Variants in CNTNAP5 observed in about 807,000 individuals in gnomAD.
CNTNAP5 encodes contactin associated protein family member 5, also known as contactin-associated protein-like 5.
In CNTNAP5, 72 loss-of-function variants were observed where a neutral mutation model predicts 150.2. That is an observed-to-expected ratio of 0.48 (90% confidence interval 0.40 to 0.58). The LOEUF (loss-of-function observed/expected upper bound fraction) is 0.58, where lower values mean the gene tolerates loss of function less well. Ranked by LOEUF, CNTNAP5 falls within the 20% of genes least tolerant of loss-of-function variation. CNTNAP5 has a pLI of 0.00. For synonymous variants in CNTNAP5, 672 were observed against 619.8 expected, an observed-to-expected ratio of 1.08 and a Z score of -1.25; for missense variants, 1,636 against 1,626.2, an observed-to-expected ratio of 1.01 and a Z score of -0.10.
intron 13 of CNTNAP5, among the ~76,000 whole-genome samples, chr2:124,723,212 C>G (rs376531930): frequency 6.6e-6 from 1 of 152,146 alleles, no homozygotes; most frequent in Non-Finnish European, 1.5e-5. Context: ...ATAGCTTTGA[C>G]AGTTTGTGTA....
At chr2:124,755,223 C>T (rs1680814309) in intron 14 of CNTNAP5, among the ~76,000 whole-genome samples, 1 of 151,844 alleles carries the variant, frequency 6.6e-6, no homozygotes, top group Non-Finnish European at 1.5e-5. Context: ...GAAAACAAAA[C>T]ATACCCTGAG....
intron 20 of CNTNAP5, among the ~76,000 whole-genome samples, chr2:124,868,044 G>A (rs207462318): frequency 6.6e-6 from 1 of 152,002 alleles, no homozygotes; most frequent in Admixed American, 6.6e-5. Context: ...GCATCTCGTG[G>A]ATCAACAGCA....
chr2:124,113,340 A>C (rs1471428769), intron 1 of CNTNAP5, among the ~76,000 whole-genome samples: 2 of 152,066 alleles, frequency 1.3e-5, no homozygotes, highest in African/African-American at 4.8e-5. Flanking sequence ...TATATGTCTC[A>C]CTCAAAAAGA....
At chr2:124,847,875 A>C (rs1013418532) in intron 19 of CNTNAP5, among the ~76,000 whole-genome samples, 1 of 152,204 alleles carries the variant, frequency 6.6e-6, no homozygotes, top group African/African-American at 2.4e-5. Flanking sequence ...TTTTGTCATA[A>C]AAATTGGCTT....
chr2:124,185,174 C>T (rs1300976185), intron 1 of CNTNAP5, among the ~76,000 whole-genome samples: 1 of 152,192 alleles, frequency 6.6e-6, no homozygotes, highest in East Asian at 1.9e-4. Flanking sequence ...CAAATCCAAG[C>T]TGAAACTCCA....
chr2:124,061,771 A>T (rs371569749), intron 1 of CNTNAP5, among the ~76,000 whole-genome samples: 1 of 152,178 alleles, frequency 6.6e-6, no homozygotes, highest in Non-Finnish European at 1.5e-5. Context: ...CAGCCTTCCC[A>T]GTTGGCCCAA....
At chr2:124,026,122 G>A (rs755260611) in intron 1 of CNTNAP5, among the ~76,000 whole-genome samples, 2 of 152,158 alleles carry the variant, frequency 1.3e-5, no homozygotes, top group Non-Finnish European at 2.9e-5. Flanking sequence ...CACCGTGCTC[G>A]GTGACAGTGG....
chr2:124,656,060 CAAAA>C (rs35504704), intron 13 of CNTNAP5, among the ~76,000 whole-genome samples: 2 of 123,426 alleles, frequency 1.6e-5, no homozygotes, highest in East Asian at 2.7e-4. Context: ...GACTTTATCT[CAAAA>C]AAAAAAAAAA....
intron 11 of CNTNAP5, among the ~76,000 whole-genome samples, chr2:124,600,684 AT>A (rs1214796384): frequency 6.6e-6 from 1 of 151,882 alleles, no homozygotes; most frequent in East Asian, 1.9e-4. Context: ...AAGGAGACAA[AT>A]ACAGGGGCAC....
rs139516066 is a variant in CNTNAP5 at position 124,672,491 on chromosome 2, T to C, written c.2077+24533T>C. The stretch of plus-strand genomic sequence containing the variant: ...AGTGTAGGAGAATCTAAATCCATCA[T>C]TGAGGTTGGCTTCTACCTTGACAGC... On this transcript the variant is annotated intron_variant, in intron 13 of 23. Coordinates refer to ENST00000682447, the MANE Select transcript of CNTNAP5 (RefSeq NM_001367498.1). Among the ~76,000 whole-genome samples the C allele has an allele frequency of 2.6e-4, 39 of 152,276 alleles. No homozygotes were observed. In the East Asian group the frequency reaches 3.7e-3, roughly 14 times the overall value.
chr2:124,432,477 C>G (rs1042997957), intron 4 of CNTNAP5, among the ~76,000 whole-genome samples: 2 of 152,080 alleles, frequency 1.3e-5, no homozygotes, highest in African/African-American at 2.4e-5. Context: ...GAATCTACCC[C>G]CTTTGAACTG....
chr2:124,517,871 T>C (rs1348033939), intron 8 of CNTNAP5, among the ~76,000 whole-genome samples: 1 of 151,078 alleles, frequency 6.6e-6, no homozygotes, highest in African/African-American at 2.4e-5. Context: ...TGATGGAGGG[T>C]TGTAGTGTTG....
intron 1 of CNTNAP5, among the ~76,000 whole-genome samples, chr2:124,061,364 T>C (rs1376824384): frequency 6.6e-6 from 1 of 152,174 alleles, no homozygotes; most frequent in Non-Finnish European, 1.5e-5. Flanking sequence ...ATCCTCTAAA[T>C]TTATATTAGA....
intron 21 of CNTNAP5, among the ~76,000 whole-genome samples, chr2:124,873,262 T>C (rs1377299416): frequency 6.6e-6 from 1 of 152,000 alleles, no homozygotes; most frequent in East Asian, 1.9e-4. Flanking sequence ...TTACTCACCA[T>C]TGCAAGGACA....
At chr2:124,277,805 G>A (rs1297487527) in intron 3 of CNTNAP5, among the ~76,000 whole-genome samples, 3 of 152,124 alleles carry the variant, frequency 2.0e-5, no homozygotes, top group African/African-American at 7.2e-5. Context: ...CAAGAAACTA[G>A]TAAGTGCAGG....
chr2:124,550,984 C>T (rs1349636872), intron 10 of CNTNAP5, among the ~76,000 whole-genome samples: 1 of 152,088 alleles, frequency 6.6e-6, no homozygotes, highest in Non-Finnish European at 1.5e-5. Flanking sequence ...ATGTCCTCTG[C>T]TTTGAAGAAC....
chr2:124,438,860 C>T (rs1692606197), intron 5 of CNTNAP5, among the ~76,000 whole-genome samples: 1 of 152,116 alleles, frequency 6.6e-6, no homozygotes, highest in Non-Finnish European at 1.5e-5. Flanking sequence ...ATTTAAATTA[C>T]ATGACAATCC....
At chr2:124,597,532 C>G (rs1260001401) in intron 11 of CNTNAP5, among the ~76,000 whole-genome samples, 3 of 150,934 alleles carry the variant, frequency 2.0e-5, no homozygotes, top group Non-Finnish European at 4.4e-5. Flanking sequence ...TGATGGGCTT[C>G]CCTTTGAGGG....
chr2:124,267,248 G>A (rs987982300), intron 3 of CNTNAP5, among the ~76,000 whole-genome samples: 18 of 152,156 alleles, frequency 1.2e-4, no homozygotes, highest in African/African-American at 1.7e-4. Flanking sequence ...AGTCTTGAAC[G>A]GAGTGGATAC....
Sources: gnomAD v4.1 joint callset for allele counts (sites outside exome capture counted in the v4.1 genomes callset) on GRCh38, gnomAD v4.1.1 for gene constraint, MANE v1.5 for transcripts, NCBI Gene and HGNC (gene_info 2026-07-23, HGNC 2026-07-21) for gene names.